Variants in CFAP43 observed in about 807,000 individuals in gnomAD.
CFAP43 encodes the protein cilia and flagella associated protein 43, also known as cilia- and flagella-associated protein 43.
Under a neutral mutation model 218.9 loss-of-function variants are expected in CFAP43, and 155 were observed. The observed-to-expected ratio is 0.71, with a 90% CI of 0.62 to 0.81. The LOEUF (loss-of-function observed/expected upper bound fraction) is 0.81, where lower values mean the gene tolerates loss of function less well. CFAP43 is among the 30% of genes least tolerant of loss of function. CFAP43 has a pLI of 0.00. For missense variants in CFAP43, 1,778 were observed against 1,954.3 expected (o/e 0.91, Z 1.70); for synonymous variants, 645 against 681.3 (o/e 0.95, Z 0.83).
At chr10:104,232,056 G>C in intron 1 of CFAP43, 126 bp downstream of exon 1, 1 of 1,068,836 alleles carries the variant, frequency 9.4e-7, no homozygotes, top group Non-Finnish European at 1.3e-6. Flanking sequence ...ACTGGGGGCA[G>C]AGGGGAAGAG....
intron 5 of CFAP43, among the ~76,000 whole-genome samples, chr10:104,211,375 C>A (rs2090857558): frequency 6.6e-6 from 1 of 152,198 alleles, no homozygotes; most frequent in African/African-American, 2.4e-5. Flanking sequence ...AAAACAGTGT[C>A]TGCTCCATAG....
At chr10:104,199,758 C>A (rs1040001588) in intron 8 of CFAP43, among the ~76,000 whole-genome samples, 1 of 152,214 alleles carries the variant, frequency 6.6e-6, no homozygotes, top group Non-Finnish European at 1.5e-5. Flanking sequence ...TCCATGACAA[C>A]TGTTTCAGCA....
chr10:104,177,058 A>T (rs2089655979), intron 19 of CFAP43, among the ~76,000 whole-genome samples: 1 of 152,212 alleles, frequency 6.6e-6, no homozygotes, highest in Non-Finnish European at 1.5e-5. Flanking sequence ...CTTTATTAGT[A>T]ATCAGGAAAA....
intron 8 of CFAP43, among the ~76,000 whole-genome samples, chr10:104,200,563 C>T (rs2090503424): frequency 6.7e-6 from 1 of 149,664 alleles, no homozygotes; most frequent in African/African-American, 2.5e-5. Context: ...CCCAGCTACT[C>T]AGAAGGCTGA....
chr10:104,174,695 C>T (rs1020673731), intron 19 of CFAP43, among the ~76,000 whole-genome samples: 2 of 151,928 alleles, frequency 1.3e-5, no homozygotes, highest in African/African-American at 4.8e-5. Context: ...TGGAGATTAC[C>T]TTTTTAAAAT....
intron 3 of CFAP43, chr10:104,218,753 C>T (rs746736534): frequency 1.9e-6 from 1 of 539,720 alleles, no homozygotes; most frequent in East Asian, 4.4e-5. Flanking sequence ...ATCCTTTTCC[C>T]TCCCCATTGG....
chr10:104,152,710 A>G lies in CFAP43; in HGVS notation c.3557T>C (p.Leu1186Pro). ...DKYRKSLEAE[L>P]KKLQNSIQES... ...TTGAATAGAGTTTTGAAGTTTCTTC[A>G]GTTCTGCTTCTAATGACTAAAAGGA... The change falls in exon 28 of 38, where the codon CTG becomes CCG. Residue 1186 changes from leucine to proline, a missense_variant. Physicochemically the swap from Leu to Pro is moderately conservative, Grantham distance 98 (BLOSUM62 -3). Transcript: ENST00000357060. 1 of 1,610,384 alleles carries G rather than the reference A, an allele frequency of 6.2e-7. No individual in the cohort carries two copies. The highest frequency in any genetic ancestry group is 8.5e-7 in the Non-Finnish European group (1 of 1,179,124).
At position 104,147,509 on chromosome 10, in the gene CFAP43, G is replaced by A. The variant is rs113160268; in HGVS notation, c.3768+382C>T. ...TGCTTACATCTTAGTAAATCTTAGCGTGTCCAGAGAGAAAAACATTCCCTA... is the reference window on the plus strand; with the variant it reads ...TGCTTACATCTTAGTAAATCTTAGCATGTCCAGAGAGAAAAACATTCCCTA... On this transcript the variant is annotated intron_variant, in intron 29 of 37. Transcript: ENST00000357060. Among the ~76,000 whole-genome samples the A allele has an allele frequency of 4.6e-5, 7 of 151,876 alleles. No individual in the cohort carries two copies. The East Asian group carries it at 7.7e-4, about 17-fold the overall frequency.
intron 19 of CFAP43, among the ~76,000 whole-genome samples, chr10:104,178,021 C>T (rs2089691205): frequency 6.6e-6 from 1 of 152,102 alleles, no homozygotes; most frequent in African/African-American, 2.4e-5. Flanking sequence ...TGGATGGCAC[C>T]CCAGAAGCAC....
intron 20 of CFAP43, among the ~76,000 whole-genome samples, chr10:104,171,878 C>A (rs182549809): frequency 6.6e-6 from 1 of 152,098 alleles, no homozygotes; most frequent in Non-Finnish European, 1.5e-5. Flanking sequence ...CAGAGGAAAA[C>A]GGCATGATGA....
At chr10:104,227,141 AGT>A (rs2091325280) in intron 2 of CFAP43, among the ~76,000 whole-genome samples, 1 of 152,076 alleles carries the variant, frequency 6.6e-6, no homozygotes, top group Non-Finnish European at 1.5e-5. Context: ...CTTCTTTAAA[AGT>A]GTGATTTTTA....
At chr10:104,148,276 C>T (rs1014136599) in intron 28 of CFAP43, among the ~76,000 whole-genome samples, 4 of 152,180 alleles carry the variant, frequency 2.6e-5, no homozygotes, top group African/African-American at 9.7e-5. Flanking sequence ...CTCTTGTTAG[C>T]ACCACTTATC....
At chr10:104,192,003 A>T (rs2134913021) in intron 12 of CFAP43, among the ~76,000 whole-genome samples, 196 bp downstream of exon 12, 3 of 152,330 alleles carry the variant, frequency 2.0e-5, no homozygotes, top group Middle Eastern at 6.8e-3. Flanking sequence ...TACCAAGCAG[A>T]TAACTCTAAT....
chr10:104,148,469 C>CT (rs1323119560), intron 28 of CFAP43, among the ~76,000 whole-genome samples: 2 of 152,162 alleles, frequency 1.3e-5, no homozygotes, highest in African/African-American at 4.8e-5. Flanking sequence ...CATGTTGAAA[C>CT]GTGATCCCTG....
At chr10:104,163,983 G>A (rs1251046357) in intron 24 of CFAP43, 111 bp downstream of exon 24, 1 of 1,007,636 alleles carries the variant, frequency 9.9e-7, no homozygotes, top group African/African-American at 1.6e-5. Context: ...ACCTGCAACT[G>A]AGAGTGCTAC....
intron 23 of CFAP43, 122 bp from the exon 24 acceptor site, chr10:104,164,422 C>T: frequency 1.4e-6 from 1 of 717,670 alleles, no homozygotes; most frequent in Non-Finnish European, 2.2e-6. Context: ...TTTTGAGATG[C>T]AGTCTCGCTT....
At position 104,145,503 on chromosome 10, in the gene CFAP43, A is replaced by G. The variant is rs149522067; in HGVS notation, c.3917T>C (p.Leu1306Pro). The G allele has an allele frequency of 6.2e-7, 1 of 1,604,124 alleles. No individual in the cohort carries two copies. Among genetic ancestry groups the G allele is most frequent in the Non-Finnish European group, 8.5e-7 (1 of 1,172,698 alleles). Reference protein sequence around the residue: ...SEIPGHQVDILYKLFKRRPRI... With the variant: ...SEIPGHQVDIPYKLFKRRPRI... ...TGGTCGGCGTTTAAAAAGTTTGTAG[A>G]GTATATCCACTTGATGACCAGGAAT... is the stretch of plus-strand genomic sequence containing the variant. Residue 1306 changes from leucine (L) to proline (P), a missense_variant, in exon 31 of 38, where the codon CTC becomes CCC. Leu to Pro is a moderately conservative substitution (Grantham distance 98). Coordinates refer to ENST00000357060, the MANE Select transcript of CFAP43 (RefSeq NM_025145.7).
intron 32 of CFAP43, among the ~76,000 whole-genome samples, 162 bp downstream of exon 32, chr10:104,143,264 G>T (rs1192873260): frequency 6.6e-6 from 1 of 152,262 alleles, no homozygotes; most frequent in South Asian, 2.1e-4. Flanking sequence ...GCCTTCAATA[G>T]CACCAGGGTT....
chr10:104,132,053 T>C, intron 36 of CFAP43, 63 bp downstream of exon 36: 2 of 1,272,248 alleles, frequency 1.6e-6, no homozygotes, highest in Non-Finnish European at 2.2e-6. Flanking sequence ...TTTGAAACAC[T>C]ATTACTTTGC....
Sources: allele counts gnomAD v4.1 joint callset (sites outside exome capture counted in the v4.1 genomes callset), GRCh38; gene constraint gnomAD v4.1.1; transcripts MANE v1.5; gene names NCBI Gene and HGNC (gene_info 2026-07-23, HGNC 2026-07-21).